Variants in SRRD observed in about 807,000 individuals in gnomAD.
SRRD encodes the protein SRR1-like protein.
SRRD carries 28 observed loss-of-function variants against 30.7 expected under a neutral mutation model. The ratio of observed to expected loss-of-function variants is 0.91; its 90% confidence interval spans 0.68 to 1.25. The LOEUF (loss-of-function observed/expected upper bound fraction) is 1.25, where lower values mean the gene tolerates loss of function less well. Ranked by LOEUF, SRRD falls within the 50% of genes most tolerant of loss-of-function variation. SRRD has a pLI of 0.00. For missense variants in SRRD, 415 were observed against 417.3 expected (o/e 0.99, Z 0.05); for synonymous variants, 161 against 159.6 (o/e 1.01, Z -0.07).
In SRRD at chr22:26,490,175, C is replaced by T; in HGVS notation, c.741C>T (p.Asn247=). The T allele has an allele frequency of 6.2e-7, 1 of 1,614,126 alleles. No individual in the cohort carries two copies. The change falls in exon 5 of 7, where the codon AAC becomes AAT. Residue 247 remains asparagine (N), a synonymous_variant. Transcript: ENST00000215917. ...TTTCTAAGATGGTCATCATTGGGAA[C>T]AGTTTCAAAGGACTTGAGGAGAGGT... ...DALSKMVIIG[N]SFKGLEERLL...
chr22:26,490,558 G>GTTTTTTTTTTTTTTT (rs1491237870), intron 5 of SRRD, among the ~76,000 whole-genome samples: 9 of 25,690 alleles, frequency 3.5e-4, no homozygotes, highest in South Asian at 2.0e-3. Context: ...TGGAATATTT[G>GTTTTTTTTTTTTTTT]CTTTTTTTTT....
intron 5 of SRRD, chr22:26,490,786 A>C (rs1921067592): frequency 2.2e-6 from 1 of 454,916 alleles, no homozygotes; most frequent in African/African-American, 2.0e-5. Context: ...CTGGTCTTGA[A>C]CTCCTGACCT....
chr22:26,489,356 T>C (rs903696084), intron 4 of SRRD, among the ~76,000 whole-genome samples: 3 of 152,088 alleles, frequency 2.0e-5, no homozygotes, highest in Non-Finnish European at 4.4e-5. Flanking sequence ...AACCTTGTAC[T>C]ACGACAGGTG....
intron 5 of SRRD, chr22:26,490,765 T>C: frequency 2.4e-6 from 1 of 417,482 alleles, no homozygotes; most frequent in East Asian, 4.3e-5. Flanking sequence ...GGTTTTACCA[T>C]GTTGGCCATG....
chr22:26,484,306 C>T (rs1569147654), intron 1 of SRRD, among the ~76,000 whole-genome samples: 1 of 152,130 alleles, frequency 6.6e-6, no homozygotes, highest in Non-Finnish European at 1.5e-5. Context: ...GTTACAGCTG[C>T]GTGACCTTGG....
At chr22:26,484,853 T>G (rs911283259) in intron 1 of SRRD, among the ~76,000 whole-genome samples, 1 of 152,236 alleles carries the variant, frequency 6.6e-6, no homozygotes, top group Non-Finnish European at 1.5e-5. Context: ...ATTATCTTTA[T>G]TCGCAGTTTT....
chr22:26,490,999 T>C, intron 5 of SRRD, 26 bp from the exon 6 acceptor site: 1 of 1,597,426 alleles, frequency 6.3e-7, no homozygotes, highest in Non-Finnish European at 8.5e-7. Context: ...TTTTTTTTTG[T>C]TTTTTTGGTT....
Position 26,488,258 on chromosome 22 carries a change from G to A in SRRD, c.480G>A (p.Thr160=), listed in dbSNP as rs371372413. Residue 160 remains threonine (T), a synonymous_variant, in exon 3 of 7, where the codon ACG becomes ACA. Coordinates refer to ENST00000215917, the MANE Select transcript of SRRD (RefSeq NM_001013694.3). The stretch of plus-strand genomic sequence containing the variant: ...GCATCGTAGCTAGAAACCAGCTAAC[G>A]TTTTTGCTGCTTTTGTTGGAAAAGT... ...ATCIVARNQL[T]FLLLLLEKCQ... The A allele has an allele frequency of 1.5e-5, 24 of 1,613,892 alleles. No homozygotes were observed. The highest frequency in any genetic ancestry group is 5.3e-5 in the African/African-American group (4 of 74,924).
chr22:26,493,829 A>C lies in SRRD; in HGVS notation c.*2157A>C, dbSNP rs1921557956. The C allele has an allele frequency of 6.2e-6, 2 of 320,488 alleles. No individual in the cohort carries two copies. Among genetic ancestry groups the C allele is most frequent in the South Asian group, 6.8e-5 (2 of 29,592 alleles). The allele number at this position is 320,488 out of a possible 1,614,324, so 19.9% of individuals were successfully genotyped here. A position where few individuals can be genotyped will look rare whatever the true frequency, so the allele number is the denominator to read the frequency against. ...TAAGCAGCATGCTCAGGCATGAATG[A>C]GCCTTAAAAGGCCACACAGCACAGT... On this transcript the variant is annotated 3_prime_UTR_variant, in exon 7 of 7. Coordinates refer to ENST00000215917, the MANE Select transcript of SRRD (RefSeq NM_001013694.3).
chr22:26,485,307 G>A (rs1266226464), intron 1 of SRRD, among the ~76,000 whole-genome samples: 1 of 152,202 alleles, frequency 6.6e-6, no homozygotes, highest in Non-Finnish European at 1.5e-5. Flanking sequence ...AAGCATTCCT[G>A]TGTACATCAG....
At chr22:26,490,903 A>G in intron 5 of SRRD, 122 bp from the exon 6 acceptor site, 1 of 916,510 alleles carries the variant, frequency 1.1e-6, no homozygotes. Flanking sequence ...TTTTTTCCTG[A>G]ATTCTTACTA....
At chr22:26,488,557 G>GGGGTGAGTC in intron 4 of SRRD, 69 bp downstream of exon 4, 1 of 1,179,898 alleles carries the variant, frequency 8.5e-7, no homozygotes, top group Non-Finnish European at 1.3e-6. Context: ...GGCCCTGCCT[G>GGGGTGAGTC]TGGACACCAG....
intron 5 of SRRD, 73 bp downstream of exon 5, chr22:26,490,271 A>C (rs1276142021): frequency 6.5e-7 from 1 of 1,545,926 alleles, no homozygotes; most frequent in African/African-American, 1.4e-5. Context: ...CCACATGCAG[A>C]AAACATTTCC....
At position 26,491,503 on chromosome 22, in the gene SRRD, C is replaced by T. The variant is rs370703325; in HGVS notation, c.851C>T (p.Ser284Leu). ...GAGGAGCTTGAGTTTCCTCAGACTT[C>T]ACAATACATGGACATATTTAATGAT... ...GLEELEFPQT[S>L]QYMDIFNDTS... The change falls in exon 7 of 7, where the codon TCA (serine) becomes TTA (leucine). Residue 284 changes from serine (S) to leucine (L), a missense_variant. Transcript: ENST00000215917. The T allele has an allele frequency of 9.3e-6, 15 of 1,613,896 alleles. No individual in the cohort carries two copies. Among genetic ancestry groups the T allele is most frequent in the Non-Finnish European group, 1.3e-5 (15 of 1,180,028 alleles).
In SRRD at chr22:26,494,376, G is replaced by C; in HGVS notation, c.*2704G>C. 2 of 1,580,116 alleles carry C rather than the reference G, an allele frequency of 1.3e-6. No individual in the cohort carries two copies. Among genetic ancestry groups the C allele is most frequent in the Non-Finnish European group, 1.7e-6 (2 of 1,150,896 alleles). ...GGCAAGATTTCTGAAGTGGCCATTT[G>C]TTTTGTTTTGATCCTGGTCCTACAG... On this transcript the variant is annotated 3_prime_UTR_variant, in exon 7 of 7. Coordinates refer to ENST00000215917, the MANE Select transcript of SRRD (RefSeq NM_001013694.3).
chr22:26,494,176 T>C lies in SRRD; in HGVS notation c.*2504T>C. On this transcript the variant is annotated 3_prime_UTR_variant, in exon 7 of 7. Transcript: ENST00000215917. ...ACACCGCCCGGTTCATGATATCAAG[T>C]GCCTCATTAAATTTGTCCTTGACAG... is the stretch of plus-strand genomic sequence containing the variant. 1 of 1,614,226 alleles carries C rather than the reference T, an allele frequency of 6.2e-7. No individual in the cohort carries two copies.
chr22:26,490,559 C>CCTTTTTTTTTTTTTT (rs1182177256), intron 5 of SRRD, among the ~76,000 whole-genome samples: 3 of 51,846 alleles, frequency 5.8e-5, no homozygotes, highest in Admixed American at 3.3e-4. Flanking sequence ...GGAATATTTG[C>CCTTTTTTTTTTTTTT]TTTTTTTTTT....
intron 5 of SRRD, chr22:26,490,804 T>C (rs924384372): frequency 2.0e-6 from 1 of 498,672 alleles, no homozygotes; most frequent in Non-Finnish European, 3.6e-6. Context: ...CCTCAAATGA[T>C]CCGCCCGCCT....
At chr22:26,491,118 T>C (rs1451966283) in intron 6 of SRRD, 48 bp downstream of exon 6, 1 of 1,574,162 alleles carries the variant, frequency 6.4e-7, no homozygotes, top group South Asian at 1.1e-5. Flanking sequence ...TGTGAAACTG[T>C]GAAGAATTCT....
Sources: allele counts gnomAD v4.1 joint callset (sites outside exome capture counted in the v4.1 genomes callset), GRCh38; gene constraint gnomAD v4.1.1; transcripts MANE v1.5; gene names NCBI Gene and HGNC (gene_info 2026-07-23, HGNC 2026-07-21).